The following MCTP1 variants were observed in gnomAD, a reference collection of about 807,000 sequenced individuals.
MCTP1 encodes the protein multiple C2 and transmembrane domain containing 1, also known as multiple C2 and transmembrane domain-containing protein 1.
Under a neutral mutation model 120.6 loss-of-function variants are expected in MCTP1, and 69 were observed. The ratio of observed to expected loss-of-function variants is 0.57; its 90% CI spans 0.47 to 0.70. The LOEUF is 0.70. Among genes scored for constraint, MCTP1 ranks in the 30% least tolerant of loss-of-function variants. The pLI, the probability that MCTP1 is intolerant of heterozygous loss-of-function variation, is 0.00. For missense variants in MCTP1, 1,203 were observed against 1,248.8 expected, an observed-to-expected ratio of 0.96 and a Z score of 0.55; for synonymous variants, 529 against 493.1, an observed-to-expected ratio of 1.07 and a Z score of -0.96.
In MCTP1 at chr5:95,284,119, G is replaced by A. The variant is rs370172247; in HGVS notation, c.457C>T (p.Pro153Ser). 3.2e-6 allele frequency: 5 copies of A among 1,550,796 alleles called. No homozygotes were observed. Among genetic ancestry groups the A allele is most frequent in the African/African-American group, 2.8e-5 (2 of 72,640 alleles). Reference protein sequence around the residue: ...AGGTPPGGRSPDSAPSSSSAS... With the variant: ...AGGTPPGGRSSDSAPSSSSAS... ...GAGGAAGAGGAAGGAGCTGAGTCGG[G>A]GGAGCGTCCGCCAGGAGGCGTCCCT... Residue 153 changes from proline (P) to serine (S), a missense_variant, in exon 1 of 23, where the codon CCC becomes TCC. This residue lies in a region of MCTP1 where 463 missense variants were observed against 377.8 expected (regional missense o/e 1.23). Transcript: ENST00000515393. The surrounding 1 kb of genome is among the most constrained non-coding windows in gnomAD (Gnocchi z 5.2).
chr5:94,964,982 C>T (rs1561937914), intron 2 of MCTP1, among the ~76,000 whole-genome samples: 1 of 152,138 alleles, frequency 6.6e-6, no homozygotes, highest in African/African-American at 2.4e-5. Context: ...TATGCACCAC[C>T]ATTATAGTAT....
At chr5:94,892,120 T>A (rs1359527865) in intron 11 of MCTP1, among the ~76,000 whole-genome samples, 1 of 152,182 alleles carries the variant, frequency 6.6e-6, no homozygotes, top group African/African-American at 2.4e-5. Flanking sequence ...ATCGAGATGC[T>A]CTGAGGGGCC....
At chr5:94,749,217 G>C (rs1767641779) in intron 19 of MCTP1, among the ~76,000 whole-genome samples, 1 of 152,120 alleles carries the variant, frequency 6.6e-6, no homozygotes, top group Admixed American at 6.5e-5. Context: ...TATTTCCTTT[G>C]CACAGACAGA....
rs763247597 is a variant in MCTP1, at chr5:94,923,970, A to C, written c.1264T>G (p.Phe422Val). 2.0e-6 allele frequency: 3 copies of C among 1,527,506 alleles called. No individual in the cohort carries two copies. The highest frequency in any genetic ancestry group is 2.6e-6 in the Non-Finnish European group (3 of 1,143,814). The allele number at this position is 1,527,506 out of a possible 1,614,324, so 94.6% of individuals were successfully genotyped here. A position where few individuals can be genotyped will look rare whatever the true frequency, so the allele number is the denominator to read the frequency against. ...AAGGATTTAGACATTACCCTCCAAA[A>C]GAGAGACTTCACAGAGAAATAAGAT... ...VGSYFSVKSL[F>V]WRTCGRPALP... Residue 422 changes from phenylalanine (F) to valine (V), a missense_variant, in exon 7 of 23, where the codon TTT becomes GTT. This residue lies in a region of MCTP1 where 740 missense variants were observed against 871.1 expected (regional missense o/e 0.85). Coordinates refer to ENST00000515393, the MANE Select transcript of MCTP1 (RefSeq NM_024717.7).
At chr5:95,163,522 A>T (rs1454247067) in intron 1 of MCTP1, among the ~76,000 whole-genome samples, 3 of 152,210 alleles carry the variant, frequency 2.0e-5, no homozygotes, top group Non-Finnish European at 2.9e-5. Flanking sequence ...CCTGTAAGGC[A>T]TTACTATATA....
At chr5:95,223,311 G>A (rs1582582784) in intron 1 of MCTP1, among the ~76,000 whole-genome samples, 1 of 152,116 alleles carries the variant, frequency 6.6e-6, no homozygotes, top group East Asian at 1.9e-4. Context: ...AATTAGCCAG[G>A]CATGGTGGTG....
intron 19 of MCTP1, among the ~76,000 whole-genome samples, chr5:94,727,123 C>T (rs1374759324): frequency 6.6e-6 from 1 of 152,146 alleles, no homozygotes; most frequent in Non-Finnish European, 1.5e-5. Context: ...TCCCTTCTCC[C>T]CATCTGAGCT....
At chr5:95,026,070 C>G (rs1389798913) in intron 1 of MCTP1, among the ~76,000 whole-genome samples, 2 of 152,012 alleles carry the variant, frequency 1.3e-5, no homozygotes, top group Non-Finnish European at 1.5e-5. Flanking sequence ...TGCCTCCTGA[C>G]CTTTTTGAAA....
chr5:95,204,712 T>C (rs1320175771), intron 1 of MCTP1, among the ~76,000 whole-genome samples: 1 of 152,152 alleles, frequency 6.6e-6, no homozygotes, highest in Non-Finnish European at 1.5e-5. Flanking sequence ...TTAATTTCTA[T>C]TTGTAACCAA....
chr5:94,958,073 A>G (rs1485721838), intron 2 of MCTP1, among the ~76,000 whole-genome samples: 1 of 152,254 alleles, frequency 6.6e-6, no homozygotes, highest in African/African-American at 2.4e-5. Context: ...ACAGTCTCTC[A>G]GACCACAGTG....
At chr5:95,119,998 T>C (rs931048617) in intron 1 of MCTP1, among the ~76,000 whole-genome samples, 3 of 151,626 alleles carry the variant, frequency 2.0e-5, no homozygotes, top group African/African-American at 7.3e-5. Context: ...TGGTGAAACC[T>C]CGTCTCTACT....
intron 1 of MCTP1, among the ~76,000 whole-genome samples, chr5:95,262,029 G>A (rs978253801): frequency 3.3e-5 from 5 of 152,208 alleles, no homozygotes; most frequent in Admixed American, 6.5e-5. Context: ...ATTACTTTGG[G>A]AGAGGCTGTG....
At chr5:95,156,145 A>G (rs1263292556) in intron 1 of MCTP1, among the ~76,000 whole-genome samples, 1 of 152,220 alleles carries the variant, frequency 6.6e-6, no homozygotes, top group Non-Finnish European at 1.5e-5. Context: ...TGAGAACTAC[A>G]GTGTGGTGGA....
At chr5:94,855,027 ATGTTCTT>A (rs367635162) in intron 17 of MCTP1, among the ~76,000 whole-genome samples, 7 of 151,894 alleles carry the variant, frequency 4.6e-5, no homozygotes, top group African/African-American at 1.7e-4. Context: ...AGACAGAAAA[ATGTTCTT>A]TTCCAATGTC....
At chr5:94,923,802 G>A (rs185160551) in intron 7 of MCTP1, among the ~76,000 whole-genome samples, 160 bp downstream of exon 7, 4 of 152,238 alleles carry the variant, frequency 2.6e-5, no homozygotes, top group Admixed American at 2.6e-4. Flanking sequence ...AAATAAAAGT[G>A]AGTTACCTAG....
chr5:94,769,486 T>C (rs182647741), intron 19 of MCTP1, among the ~76,000 whole-genome samples: 6 of 151,958 alleles, frequency 3.9e-5, no homozygotes, highest in African/African-American at 1.4e-4. Flanking sequence ...AATTCTTATA[T>C]ATCAATAAAA....
chr5:95,067,365 C>G (rs542920854), intron 1 of MCTP1, among the ~76,000 whole-genome samples: 48 of 152,238 alleles, frequency 3.2e-4, no homozygotes, highest in Non-Finnish European at 6.0e-4. Flanking sequence ...TTACACAATG[C>G]ATACATGTAT....
At chr5:94,730,293 G>C (rs1046689339) in intron 19 of MCTP1, among the ~76,000 whole-genome samples, 8 of 152,138 alleles carry the variant, frequency 5.3e-5, no homozygotes, top group Non-Finnish European at 7.4e-5. Flanking sequence ...CTGAATAGCT[G>C]GGACCACTGG....
At chr5:94,817,944 T>C (rs1784827336) in intron 17 of MCTP1, among the ~76,000 whole-genome samples, 1 of 152,154 alleles carries the variant, frequency 6.6e-6, no homozygotes, top group Admixed American at 6.5e-5. Context: ...CTCTGCGTGG[T>C]GGACATTTGA....
Sources: allele counts gnomAD v4.1 joint callset (sites outside exome capture counted in the v4.1 genomes callset), GRCh38; gene constraint gnomAD v4.1.1; regional missense constraint gnomAD v4.1.1; non-coding constraint Gnocchi (gnomAD v3.1); transcripts MANE v1.5; gene names NCBI Gene and HGNC (gene_info 2026-07-23, HGNC 2026-07-21).